The following BBX variants were observed in gnomAD, a reference collection of about 807,000 sequenced individuals.
BBX encodes the protein BBX high mobility group box domain containing.
Under a neutral mutation model 100.2 loss-of-function variants are expected in BBX, and 30 were observed. The observed-to-expected ratio is 0.30, with a 90% confidence interval of 0.22 to 0.41. The LOEUF (loss-of-function observed/expected upper bound fraction) is 0.41. Among genes scored for constraint, BBX ranks in the 10% least tolerant of loss-of-function variants. The pLI is 1.00. For missense variants in BBX, 1,023 were observed against 1,129.8 expected (o/e 0.91, Z 1.35); for synonymous variants, 376 against 388.1 (o/e 0.97, Z 0.37).
intron 2 of BBX, among the ~76,000 whole-genome samples, chr3:107,556,305 A>C (rs1409458853): frequency 6.6e-6 from 1 of 152,240 alleles, no homozygotes; most frequent in Non-Finnish European, 1.5e-5. Context: ...ATTTATTAGT[A>C]TATATAAAAA....
At position 107,548,663 on chromosome 3, in the gene BBX, G is replaced by A. The variant is rs193043562; in HGVS notation, c.-84+22265G>A. Among the ~76,000 whole-genome samples, 719 of 152,270 alleles carry A rather than the reference G, an allele frequency of 4.7e-3. 8 individuals carry two copies. Among genetic ancestry groups the A allele is most frequent in the Non-Finnish European group, 8.2e-3 (556 of 68,004 alleles). ...GTATACACACAAAGAAAAGTAATTT[G>A]TTTTGTCAAAAAGACACATGGGCTG... On this transcript the variant is annotated intron_variant, in intron 2 of 17. Transcript: ENST00000325805.
intron 6 of BBX, among the ~76,000 whole-genome samples, chr3:107,729,520 G>A (rs2063176626): frequency 6.6e-6 from 1 of 152,156 alleles, no homozygotes; most frequent in Admixed American, 6.5e-5. Context: ...GGTGCCATTT[G>A]TTATGGGACC....
intron 3 of BBX, among the ~76,000 whole-genome samples, chr3:107,704,595 G>A (rs2061281357): frequency 6.6e-6 from 1 of 152,190 alleles, no homozygotes; most frequent in Admixed American, 6.5e-5. Flanking sequence ...GAGAGGATGA[G>A]AGTAAGAAGA....
At chr3:107,758,121 T>TA (rs1184386359) in intron 10 of BBX, among the ~76,000 whole-genome samples, 1 of 152,176 alleles carries the variant, frequency 6.6e-6, no homozygotes, top group Non-Finnish European at 1.5e-5. Flanking sequence ...AAAGAAGAGA[T>TA]ATTAATTCTC....
intron 15 of BBX, among the ~76,000 whole-genome samples, chr3:107,796,930 G>A (rs913005389): frequency 1.3e-5 from 2 of 152,074 alleles, no homozygotes; most frequent in South Asian, 4.1e-4. Context: ...TGGGAGCATT[G>A]CCAAGTAGTT....
chr3:107,551,322 A>AT (rs1290039747), intron 2 of BBX, among the ~76,000 whole-genome samples: 12 of 152,274 alleles, frequency 7.9e-5, no homozygotes, highest in African/African-American at 2.9e-4. Context: ...CACTTTGTTG[A>AT]TTTTTATGTG....
At chr3:107,763,250 A>G (rs1215565159) in intron 10 of BBX, among the ~76,000 whole-genome samples, 1 of 145,586 alleles carries the variant, frequency 6.9e-6, no homozygotes, top group South Asian at 2.2e-4. Context: ...TTTGAGACAG[A>G]GTCTCGCTCT....
At chr3:107,640,647 T>C (rs182013088) in intron 2 of BBX, among the ~76,000 whole-genome samples, 97 of 151,878 alleles carry the variant, frequency 6.4e-4, no homozygotes, top group African/African-American at 2.1e-3. Flanking sequence ...CAGTAACTAT[T>C]ATAATAACTG....
chr3:107,631,586 C>T (rs995427850), intron 2 of BBX, among the ~76,000 whole-genome samples: 4 of 151,406 alleles, frequency 2.6e-5, no homozygotes, highest in Non-Finnish European at 5.9e-5. Flanking sequence ...TAACTTCAGA[C>T]AGGTTTTGGG....
chr3:107,554,929 A>T (rs577606584), intron 2 of BBX, among the ~76,000 whole-genome samples: 6 of 151,776 alleles, frequency 4.0e-5, no homozygotes, highest in East Asian at 1.9e-4. Flanking sequence ...TTAGCCGGGC[A>T]TGGTGACGCA....
rs562732949 is a variant in BBX, at chr3:107,766,557, G to T, written c.907-6071G>T. ...AAAAAGCAATAATTTGGTGGGGAGT[G>T]GGGGGCAAGGAAAATTATGATCAAA... On this transcript the variant is annotated intron_variant, in intron 10 of 17. Transcript: ENST00000325805. 2.0e-5 allele frequency among the ~76,000 whole-genome samples: 3 copies of T among 152,032 alleles called. No individual in the cohort carries two copies. In the South Asian group the frequency reaches 6.2e-4, roughly 32 times the overall value.
chr3:107,778,309 A>G (rs895946100), intron 12 of BBX, 62 bp from the exon 13 acceptor site: 3 of 1,570,486 alleles, frequency 1.9e-6, no homozygotes, highest in Non-Finnish European at 2.6e-6. Context: ...AATATATTTC[A>G]TGTCACTTTC....
At chr3:107,748,083 G>A in intron 9 of BBX, 44 bp downstream of exon 9, 1 of 1,517,024 alleles carries the variant, frequency 6.6e-7, no homozygotes, top group Non-Finnish European at 9.1e-7. Flanking sequence ...AAAACTTGTT[G>A]AGCTCAGGAA....
intron 2 of BBX, among the ~76,000 whole-genome samples, chr3:107,531,821 C>A (rs1377810199): frequency 6.6e-6 from 1 of 152,174 alleles, no homozygotes; most frequent in Admixed American, 6.5e-5. Flanking sequence ...CAGCTCTTTT[C>A]ATATTTCACG....
chr3:107,765,670 A>C (rs1232511723), intron 10 of BBX, among the ~76,000 whole-genome samples: 1 of 152,096 alleles, frequency 6.6e-6, no homozygotes, highest in Admixed American at 6.5e-5. Context: ...TTCTGACTAC[A>C]CAAAACAGTG....
chr3:107,613,004 G>T (rs1448113073), intron 2 of BBX, among the ~76,000 whole-genome samples: 1 of 152,024 alleles, frequency 6.6e-6, no homozygotes, highest in East Asian at 1.9e-4. Flanking sequence ...CCAGGCAGAG[G>T]AGTCTCTCAG....
chr3:107,535,707 C>T (rs912109559), intron 2 of BBX, among the ~76,000 whole-genome samples: 4 of 151,916 alleles, frequency 2.6e-5, no homozygotes, highest in Middle Eastern at 3.4e-3. Flanking sequence ...ATTCTTGTGC[C>T]TCAGCATCCC....
intron 2 of BBX, among the ~76,000 whole-genome samples, chr3:107,570,550 A>G (rs1056368473): frequency 2.6e-5 from 4 of 152,292 alleles, no homozygotes; most frequent in East Asian, 1.9e-4. Context: ...AACCCTGGCT[A>G]TGCCTTCAGC....
Position 107,774,910 on chromosome 3 carries a change from G to C in BBX, c.2054+53G>C. 3 of 1,581,502 alleles carry C rather than the reference G, an allele frequency of 1.9e-6. No individual in the cohort carries two copies. The South Asian group carries it at 3.5e-5, about 19-fold the overall frequency. On this transcript the variant is annotated intron_variant, in intron 12 of 17. Transcript: ENST00000325805. ...TACTCCACAAGCCTCAAGTGTGGGT[G>C]GGATTTTCAAGGTAAACAGATCACT... is the stretch of plus-strand genomic sequence containing the variant.
Sources: allele counts gnomAD v4.1 joint callset (sites outside exome capture counted in the v4.1 genomes callset), GRCh38; gene constraint gnomAD v4.1.1; transcripts MANE v1.5; gene names NCBI Gene and HGNC (gene_info 2026-07-23, HGNC 2026-07-21).